The following BBS9 variants were observed in gnomAD, a reference collection of about 807,000 sequenced individuals.
BBS9 encodes the protein protein PTHB1.
Under a neutral mutation model 117.7 loss-of-function variants are expected in BBS9, and 89 were observed. The ratio of observed to expected loss-of-function variants is 0.76; its 90% confidence interval spans 0.64 to 0.90. The LOEUF (loss-of-function observed/expected upper bound fraction) is 0.90. Ranked by LOEUF, BBS9 falls within the 40% of genes least tolerant of loss-of-function variation. BBS9 has a pLI of 0.00. For missense variants in BBS9, 982 were observed against 1,042.2 expected (o/e 0.94, Z 0.80); for synonymous variants, 379 against 370.9 (o/e 1.02, Z -0.25).
intron 1 of BBS9, among the ~76,000 whole-genome samples, chr7:33,141,244 G>A (rs1791410395): frequency 6.6e-6 from 1 of 152,068 alleles, no homozygotes; most frequent in Non-Finnish European, 1.5e-5. Context: ...TCAACATGGG[G>A]AAACTCCATC....
chr7:33,320,459 T>C (rs1811457966), intron 9 of BBS9, among the ~76,000 whole-genome samples: 1 of 152,190 alleles, frequency 6.6e-6, no homozygotes, highest in South Asian at 2.1e-4. Flanking sequence ...CCATTGTGTA[T>C]GTATAACAAC....
At chr7:33,133,269 C>A (rs1443413726) in intron 1 of BBS9, among the ~76,000 whole-genome samples, 1 of 152,156 alleles carries the variant, frequency 6.6e-6, no homozygotes, top group Non-Finnish European at 1.5e-5. Flanking sequence ...AAATACCATA[C>A]AATTCACCCA....
chr7:33,177,657 A>T (rs2128163366), intron 5 of BBS9, 66 bp downstream of exon 5: 1 of 1,158,152 alleles, frequency 8.6e-7, no homozygotes, highest in East Asian at 2.4e-5. Flanking sequence ...GGTCATATAA[A>T]ACAGAGGATT....
intron 10 of BBS9, among the ~76,000 whole-genome samples, chr7:33,338,421 A>T (rs913808975): frequency 6.6e-6 from 1 of 152,004 alleles, no homozygotes; most frequent in East Asian, 1.9e-4. Context: ...CTTTTTGATG[A>T]CCCCATTATT....
intron 20 of BBS9, among the ~76,000 whole-genome samples, chr7:33,527,744 G>A (rs1186465347): frequency 6.6e-6 from 1 of 152,162 alleles, no homozygotes. Flanking sequence ...GACCGGAGCT[G>A]TTTCTATTTG....
chr7:33,277,085 C>A, intron 9 of BBS9: 2 of 220,594 alleles, frequency 9.1e-6, no homozygotes, highest in South Asian at 1.9e-4. Flanking sequence ...TTCCCATTGT[C>A]ATCACCTGGG....
chr7:33,305,230 A>G (rs1323229542), intron 9 of BBS9, among the ~76,000 whole-genome samples: 1 of 151,870 alleles, frequency 6.6e-6, no homozygotes, highest in Non-Finnish European at 1.5e-5. Context: ...ATGTTGAACC[A>G]TGCTTGCATC....
intron 21 of BBS9, among the ~76,000 whole-genome samples, chr7:33,575,737 C>T (rs1318672144): frequency 1.3e-5 from 2 of 152,122 alleles, no homozygotes; most frequent in Admixed American, 1.3e-4. Context: ...CCCTGGGTTG[C>T]AAGGCTGGTT....
At chr7:33,169,554 A>G (rs940180491) in intron 4 of BBS9, among the ~76,000 whole-genome samples, 1 of 149,636 alleles carries the variant, frequency 6.7e-6, no homozygotes, top group African/African-American at 2.4e-5. Context: ...CATTTCTCTG[A>G]TGGCCAGTGA....
chr7:33,215,657 A>C (rs1467928843), intron 5 of BBS9, among the ~76,000 whole-genome samples: 1 of 152,162 alleles, frequency 6.6e-6, no homozygotes, highest in African/African-American at 2.4e-5. Context: ...ACACACACAC[A>C]GGAATATTAT....
chr7:33,539,625 A>G (rs1032987444), intron 21 of BBS9, among the ~76,000 whole-genome samples: 2 of 152,232 alleles, frequency 1.3e-5, no homozygotes, highest in African/African-American at 2.4e-5. Flanking sequence ...ATTCCGAGGC[A>G]TGATCTGTTT....
chr7:33,190,098 G>A (rs941369039), intron 5 of BBS9, among the ~76,000 whole-genome samples: 6 of 148,204 alleles, frequency 4.0e-5, no homozygotes, highest in Non-Finnish European at 7.4e-5. Flanking sequence ...CTTGATTATA[G>A]AGCTTTGTTT....
chr7:33,303,527 CCG>C (rs376488437), intron 9 of BBS9, among the ~76,000 whole-genome samples: 1,731 of 96,058 alleles, frequency 0.018, 110 homozygotes, highest in African/African-American at 0.075. Flanking sequence ...TCCCCTCCCC[CCG>C]CCCCTTCTTT....
intron 19 of BBS9, among the ~76,000 whole-genome samples, chr7:33,444,407 A>C (rs1269613004): frequency 1.3e-5 from 2 of 152,210 alleles, no homozygotes; most frequent in East Asian, 1.9e-4. Context: ...TCTGTTTTCC[A>C]ATGTGGTTAA....
chr7:33,194,157 G>A (rs76392895), intron 5 of BBS9, among the ~76,000 whole-genome samples: 2,056 of 152,302 alleles, frequency 0.013, 50 homozygotes, highest in African/African-American at 0.047. Flanking sequence ...AAGGAATGTG[G>A]TAAAGGTAGA....
chr7:33,609,577 A>C (rs895609237), downstream of BBS9, among the ~76,000 whole-genome samples: 1 of 152,184 alleles, frequency 6.6e-6, no homozygotes, highest in African/African-American at 2.4e-5. Context: ...TATTCTTAAC[A>C]GGCAAGAAAT....
intron 1 of BBS9, among the ~76,000 whole-genome samples, chr7:33,135,935 G>GT (rs1338798954): frequency 2.3e-4 from 32 of 137,602 alleles, no homozygotes; most frequent in Middle Eastern, 3.6e-3. Flanking sequence ...TTTTTTTTTT[G>GT]TTTTTTGAGA....
chr7:33,180,361 AT>A (rs34742892), intron 5 of BBS9, among the ~76,000 whole-genome samples: 48,322 of 136,702 alleles, frequency 0.35, 8,527 homozygotes, highest in East Asian at 0.49. Flanking sequence ...CTTGCTGAGA[AT>A]TTTTTTTTTT....
intron 4 of BBS9, among the ~76,000 whole-genome samples, chr7:33,175,986 G>A (rs903568614): frequency 2.0e-5 from 3 of 152,184 alleles, no homozygotes; most frequent in African/African-American, 7.2e-5. Context: ...AAAAAGTGTG[G>A]TAAACAAGGG....
Sources: allele counts gnomAD v4.1 joint callset (sites outside exome capture counted in the v4.1 genomes callset), GRCh38; gene constraint gnomAD v4.1.1; transcripts MANE v1.5; gene names NCBI Gene and HGNC (gene_info 2026-07-23, HGNC 2026-07-21).